C8orf74: variants seen among roughly 807,000 people sequenced by gnomAD.
C8orf74 encodes the protein chromosome 8 open reading frame 74.
C8orf74 carries 29 observed loss-of-function variants against 22.2 expected under a neutral mutation model. That is an observed-to-expected ratio of 1.31 (90% confidence interval 0.97 to 1.78). C8orf74 has a LOEUF of 1.78. Among genes scored for constraint, C8orf74 ranks in the 40% most tolerant of loss-of-function variants. The probability of loss-of-function intolerance (pLI) is 0.00; values close to 1 mark genes in which losing one functional copy is unlikely to be tolerated. For missense variants in C8orf74, 515 were observed against 369.9 expected (o/e 1.39, Z -3.22); for synonymous variants, 255 against 163.1 (o/e 1.56, Z -4.30).
intron 2 of C8orf74, chr8:10,691,141 A>T: frequency 2.8e-6 from 1 of 354,450 alleles, no homozygotes; most frequent in East Asian, 7.5e-5. Context: ...ACCAGCCAAG[A>T]GTGTCTGGGG....
chr8:10,672,670 C>G lies in C8orf74; in HGVS notation c.5C>G (p.Ala2Gly), dbSNP rs368483018. The G allele has an allele frequency of 5.1e-6, 8 of 1,565,088 alleles. No individual in the cohort carries two copies. The Admixed American group carries it at 1.5e-4, about 30-fold the overall frequency. M[A>G]LLTPQGVKEV... is the part of the protein sequence containing the mutation. ...TGGCAACCAGATGCAGGGGCCATGG[C>G]ACTCTTAACACCCCAGGGAGTGAAA... The change falls in exon 1 of 4, where the codon GCA becomes GGA. Residue 2 changes from alanine to glycine, a missense_variant. Transcript: ENST00000304519.
intron 2 of C8orf74, chr8:10,686,688 A>AC (rs1280550834): frequency 6.3e-6 from 1 of 158,276 alleles, no homozygotes; most frequent in Non-Finnish European, 1.4e-5. Context: ...GTATTAAAAA[A>AC]TTAATTAATT....
At chr8:10,673,026 G>A (rs775631923) in intron 1 of C8orf74, among the ~76,000 whole-genome samples, 3 of 152,190 alleles carry the variant, frequency 2.0e-5, no homozygotes, top group Non-Finnish European at 4.4e-5. Flanking sequence ...TGCAGGGAGT[G>A]TGTTGGGGGA....
In C8orf74 at chr8:10,680,323, G is replaced by A. The variant is rs1043359592; in HGVS notation, c.241+5485G>A. ...CCGTTTCCACCTCTGTCAAATGGGG[G>A]CAGTAACAGTTCCTACTTATAGGAA... On this transcript the variant is annotated intron_variant, in intron 2 of 3. Coordinates refer to ENST00000304519, the MANE Select transcript of C8orf74 (RefSeq NM_001040032.2). Among the ~76,000 whole-genome samples the A allele has an allele frequency of 5.9e-5, 9 of 152,214 alleles. 1 individual carries two copies. Among genetic ancestry groups the A allele is most frequent in the Non-Finnish European group, 1.0e-4 (7 of 68,038 alleles).
intron 2 of C8orf74, among the ~76,000 whole-genome samples, chr8:10,695,757 C>A (rs1191705269): frequency 6.6e-6 from 1 of 152,158 alleles, no homozygotes; most frequent in Non-Finnish European, 1.5e-5. Context: ...CCGCATAGGG[C>A]CCCATGGAGG....
rs1257625683 is a variant in C8orf74 at position 10,674,734 on chromosome 8, A to G, written c.137A>G (p.Asp46Gly). The G allele has an allele frequency of 6.2e-7, 1 of 1,607,882 alleles. No homozygotes were observed. The highest frequency in any genetic ancestry group is 2.2e-5 in the East Asian group (1 of 44,692). Residue 46 changes from aspartate to glycine, a missense_variant, in exon 2 of 4, where the codon GAC (aspartate) becomes GGC (glycine). Asp to Gly is a moderately conservative substitution (Grantham distance 94, BLOSUM62 -1). Transcript: ENST00000304519. ...QRDSRRSILL[D>G]TLYESIIFAV... is the part of the protein sequence containing the mutation. ...GACTCCCGGAGGAGCATCCTGCTGG[A>G]CACCCTCTACGAGAGCATCATCTTT...
chr8:10,684,416 G>A (rs552228713), intron 2 of C8orf74, among the ~76,000 whole-genome samples: 9 of 152,316 alleles, frequency 5.9e-5, no homozygotes, highest in African/African-American at 1.7e-4. Flanking sequence ...AGAGAAGGGC[G>A]TGGACAAGAG....
intron 2 of C8orf74, among the ~76,000 whole-genome samples, chr8:10,678,531 C>T (rs926968625): frequency 2.8e-4 from 42 of 151,968 alleles, no homozygotes; most frequent in Middle Eastern, 3.4e-3. Flanking sequence ...CCCTGCACTG[C>T]CCCAGTGACC....
intron 2 of C8orf74, among the ~76,000 whole-genome samples, chr8:10,675,066 A>G (rs1390771091): frequency 6.6e-6 from 1 of 151,088 alleles, no homozygotes; most frequent in African/African-American, 2.4e-5. Context: ...AATCTGAACC[A>G]CTCCAAGCTG....
intron 2 of C8orf74, among the ~76,000 whole-genome samples, chr8:10,680,426 C>T (rs1326946031): frequency 6.6e-6 from 1 of 152,222 alleles, no homozygotes; most frequent in Non-Finnish European, 1.5e-5. Flanking sequence ...TGTTCGCTAC[C>T]ATATGGCTGG....
chr8:10,695,156 T>C (rs2129058734), intron 2 of C8orf74, among the ~76,000 whole-genome samples: 1 of 152,284 alleles, frequency 6.6e-6, no homozygotes, highest in Middle Eastern at 3.4e-3. Flanking sequence ...TTCTACAGCA[T>C]TTATTGATTG....
At position 10,677,781 on chromosome 8, in the gene C8orf74, C is replaced by G. The variant is rs148308179; in HGVS notation, c.241+2943C>G. ...CACCTCCCCTGTGTTGGTCATGATG[C>G]TCCTGTTTATATAGCCGATGGGTGC... On this transcript the variant is annotated intron_variant, in intron 2 of 3. Transcript: ENST00000304519. Among the ~76,000 whole-genome samples the G allele has an allele frequency of 5.2e-4, 79 of 152,284 alleles. 1 individual carries two copies. Among genetic ancestry groups the G allele is most frequent in the Non-Finnish European group, 9.4e-4 (64 of 68,024 alleles).
chr8:10,690,417 C>A (rs572796697), intron 2 of C8orf74, among the ~76,000 whole-genome samples: 1 of 152,088 alleles, frequency 6.6e-6, no homozygotes, highest in Non-Finnish European at 1.5e-5. Flanking sequence ...GGGGGCAATG[C>A]GGCGTGCGGG....
At chr8:10,694,279 A>G (rs1799443228) in intron 2 of C8orf74, among the ~76,000 whole-genome samples, 1 of 152,194 alleles carries the variant, frequency 6.6e-6, no homozygotes, top group Non-Finnish European at 1.5e-5. Context: ...GTAACAATTT[A>G]TAGGTTCAGT....
In C8orf74 at chr8:10,672,658, C is replaced by G. The variant is rs1214785235; in HGVS notation, c.-8C>G. The G allele has an allele frequency of 3.2e-6, 5 of 1,562,752 alleles. No homozygotes were observed. In the African/African-American group the frequency reaches 5.4e-5, roughly 17 times the overall value. On this transcript the variant is annotated 5_prime_UTR_variant, in exon 1 of 4. Coordinates refer to ENST00000304519, the MANE Select transcript of C8orf74 (RefSeq NM_001040032.2). ...GGCTCCGTCTCCTGGCAACCAGATG[C>G]AGGGGCCATGGCACTCTTAACACCC... is the stretch of plus-strand genomic sequence containing the variant.
At chr8:10,692,941 A>G (rs1020715015) in intron 2 of C8orf74, 5 of 152,208 alleles carry the variant, frequency 3.3e-5, no homozygotes, top group African/African-American at 1.2e-4. Context: ...CCAAGAACAA[A>G]TCACACAAGT....
chr8:10,698,798 G>T lies in C8orf74; in HGVS notation c.648+793G>T, dbSNP rs74950327. Among the ~76,000 whole-genome samples the T allele has an allele frequency of 8.8e-3, 1,346 of 152,136 alleles. 25 individuals are homozygous for T. Among genetic ancestry groups the T allele is most frequent in the African/African-American group, 0.031 (1,285 of 41,484 alleles). On this transcript the variant is annotated intron_variant, in intron 3 of 3. Coordinates refer to ENST00000304519, the MANE Select transcript of C8orf74 (RefSeq NM_001040032.2). ...GTGCCTGTGTTTCAGGCATTGGAGT[G>T]GGGGAGTTGCAGGGCCTGTGAGTTC...
At position 10,697,926 on chromosome 8, in the gene C8orf74, G is replaced by T. The variant is rs192663026; in HGVS notation, c.569G>T (p.Arg190Leu). 6.6e-5 allele frequency: 106 copies of T among 1,594,738 alleles called. No individual in the cohort carries two copies. The highest frequency in any genetic ancestry group is 8.9e-5 in the Non-Finnish European group (104 of 1,171,114). ...GTGCTGCTCCTGAAAGAGGCGCTGC[G>T]CCTGGAGCGGGAGAACTCGCTGCAG... ...ADVLLLKEAL[R>L]LERENSLQKA... Residue 190 changes from arginine (R) to leucine (L), a missense_variant, in exon 3 of 4, where the codon CGC becomes CTC. Physicochemically the swap from Arg to Leu is moderately radical, Grantham distance 102 (BLOSUM62 -2). Transcript: ENST00000304519.
At chr8:10,687,766 G>A (rs1799291571) in intron 2 of C8orf74, among the ~76,000 whole-genome samples, 1 of 152,006 alleles carries the variant, frequency 6.6e-6, no homozygotes, top group Non-Finnish European at 1.5e-5. Flanking sequence ...TTATTTTTCA[G>A]GGTCACCATC....
Sources: gnomAD v4.1 joint callset for allele counts (sites outside exome capture counted in the v4.1 genomes callset) on GRCh38, gnomAD v4.1.1 for gene constraint, MANE v1.5 for transcripts, NCBI Gene and HGNC (gene_info 2026-07-23, HGNC 2026-07-21) for gene names.